EXOC4: variants seen among roughly 807,000 people sequenced by gnomAD.
EXOC4 encodes exocyst complex component 4.
EXOC4 carries 71 observed loss-of-function variants against 107.2 expected under a neutral mutation model. The ratio of observed to expected loss-of-function variants is 0.66; its 90% confidence interval spans 0.55 to 0.81. The LOEUF (loss-of-function observed/expected upper bound fraction) is 0.81. EXOC4 is among the 30% of genes least tolerant of loss of function. EXOC4 has a pLI of 0.00. For missense variants in EXOC4, 1,108 were observed against 1,189.6 expected (o/e 0.93, Z 1.01); for synonymous variants, 456 against 441.2 (o/e 1.03, Z -0.42).
chr7:133,584,013 G>C (rs1449315576), intron 9 of EXOC4, among the ~76,000 whole-genome samples: 1 of 152,166 alleles, frequency 6.6e-6, no homozygotes, highest in African/African-American at 2.4e-5. Context: ...AAAGGACAAG[G>C]AGGAGTGCGA....
chr7:133,904,164 T>C (rs1249707291), intron 12 of EXOC4, among the ~76,000 whole-genome samples: 1 of 152,182 alleles, frequency 6.6e-6, no homozygotes, highest in Non-Finnish European at 1.5e-5. Flanking sequence ...TTGTTTTATG[T>C]GTTTTTTAAG....
At chr7:133,391,784 C>T (rs1796858477) in intron 7 of EXOC4, among the ~76,000 whole-genome samples, 2 of 152,104 alleles carry the variant, frequency 1.3e-5, no homozygotes, top group South Asian at 2.1e-4. Context: ...TAAGCAAGGA[C>T]TTATTTATGG....
chr7:133,579,686 CTTT>C (rs11368284), intron 9 of EXOC4, among the ~76,000 whole-genome samples: 2 of 139,792 alleles, frequency 1.4e-5, no homozygotes, highest in Non-Finnish European at 1.5e-5. Context: ...CACAACTTTA[CTTT>C]TTTTTTTTTT....
chr7:133,391,542 G>C (rs751106096), intron 7 of EXOC4, among the ~76,000 whole-genome samples: 2 of 152,168 alleles, frequency 1.3e-5, no homozygotes, highest in Non-Finnish European at 2.9e-5. Context: ...GTCCCAAGCA[G>C]AGCATCTGCT....
intron 10 of EXOC4, among the ~76,000 whole-genome samples, chr7:133,721,635 A>C (rs1409071346): frequency 6.6e-6 from 1 of 152,186 alleles, no homozygotes; most frequent in Admixed American, 6.5e-5. Context: ...ATGACTTCCT[A>C]ATAAATCAGG....
chr7:133,770,055 A>G (rs1362195332), intron 10 of EXOC4, among the ~76,000 whole-genome samples: 1 of 143,772 alleles, frequency 7.0e-6, no homozygotes, highest in Non-Finnish European at 1.5e-5. Flanking sequence ...CAACATGTGT[A>G]GCCATCTATA....
intron 1 of EXOC4, among the ~76,000 whole-genome samples, chr7:133,262,953 C>T (rs553614373): frequency 1.3e-5 from 2 of 152,240 alleles, no homozygotes; most frequent in Admixed American, 6.5e-5. Context: ...GGGGGCAGGT[C>T]TTTCCTGTGC....
chr7:133,995,626 A>G (rs1794371835), intron 14 of EXOC4, among the ~76,000 whole-genome samples: 3 of 152,202 alleles, frequency 2.0e-5, no homozygotes, highest in Admixed American at 2.0e-4. Context: ...AACATCTAGG[A>G]TGATACCAAG....
intron 14 of EXOC4, among the ~76,000 whole-genome samples, chr7:133,959,641 C>T (rs1280704404): frequency 6.6e-6 from 1 of 151,590 alleles, no homozygotes; most frequent in African/African-American, 2.4e-5. Context: ...ACATCCTCAC[C>T]AAGGCAGTCA....
intron 10 of EXOC4, among the ~76,000 whole-genome samples, chr7:133,654,869 A>C (rs1353067985): frequency 1.3e-5 from 2 of 152,178 alleles, no homozygotes; most frequent in Non-Finnish European, 2.9e-5. Flanking sequence ...CATTATAGGC[A>C]GTTGCAACAC....
intron 7 of EXOC4, among the ~76,000 whole-genome samples, chr7:133,430,635 G>A (rs1014627570): frequency 2.0e-5 from 3 of 152,116 alleles, no homozygotes; most frequent in Non-Finnish European, 4.4e-5. Context: ...CCTAGGAATG[G>A]AATTGTTGGA....
chr7:133,398,467 C>G (rs1584884778), intron 7 of EXOC4, among the ~76,000 whole-genome samples: 1 of 152,260 alleles, frequency 6.6e-6, no homozygotes, highest in South Asian at 2.1e-4. Context: ...AATCCAGGAT[C>G]TTAGTGATTT....
intron 9 of EXOC4, among the ~76,000 whole-genome samples, chr7:133,569,871 A>G (rs1459516045): frequency 2.0e-5 from 3 of 152,204 alleles, no homozygotes; most frequent in South Asian, 2.1e-4. Context: ...TACAGATTCT[A>G]TATTTTACAT....
At chr7:134,097,921 G>A in the EXOC4 span, among the ~76,000 whole-genome samples, 1 of 152,148 alleles carries the variant, frequency 6.6e-6, no homozygotes. Context: ...TCAAAACTTA[G>A]ATGATCAGTG....
intron 3 of EXOC4, among the ~76,000 whole-genome samples, chr7:133,295,706 C>T (rs574700540): frequency 6.6e-6 from 1 of 152,078 alleles, no homozygotes; most frequent in East Asian, 1.9e-4. Flanking sequence ...ATAGACTGAT[C>T]TTATTTTCTC....
chr7:133,488,031 TAGAAAC>T (rs1168015114), intron 9 of EXOC4, among the ~76,000 whole-genome samples: 4 of 152,236 alleles, frequency 2.6e-5, no homozygotes, highest in East Asian at 3.9e-4. Context: ...AAGTAATTAT[TAGAAAC>T]AGATGAAAAT....
chr7:133,337,920 C>G (rs1210850807), intron 5 of EXOC4, among the ~76,000 whole-genome samples: 1 of 151,992 alleles, frequency 6.6e-6, no homozygotes, highest in Admixed American at 6.5e-5. Context: ...CATTGAGCCA[C>G]CATGCTGAGC....
In EXOC4 at chr7:133,629,530, T is replaced by TTTTGTTTTGTTTTG. The variant is rs368663397; in HGVS notation, c.1418-508_1418-507insTGTTTTGTTTGTTT. 2.7e-3 allele frequency among the ~76,000 whole-genome samples: 406 copies of TTTTGTTTTGTTTTG among 149,854 alleles called. 2 individuals are homozygous for TTTTGTTTTGTTTTG. The Middle Eastern group carries it at 0.031, about 11-fold the overall frequency. Reference sequence around the variant, plus strand: ...AGTAAAAGTGCTGTTTTTTGTTTTGTTTTGTTTGTTTGTTTGTTTGTTTGT... The same window carrying TTTTGTTTTGTTTTG: ...AGTAAAAGTGCTGTTTTTTGTTTTGTTTTGTTTTGTTTTGTTTGTTTGTTTGTTTGTTTGTTTGT... On this transcript the variant is annotated intron_variant, in intron 9 of 17. Coordinates refer to ENST00000253861, the MANE Select transcript of EXOC4 (RefSeq NM_021807.4).
chr7:133,676,266 C>T (rs1402694799), intron 10 of EXOC4, among the ~76,000 whole-genome samples: 2 of 151,880 alleles, frequency 1.3e-5, no homozygotes, highest in African/African-American at 2.4e-5. Context: ...CTACTTCACC[C>T]GACAAAGTAC....
Sources: allele counts gnomAD v4.1 joint callset (sites outside exome capture counted in the v4.1 genomes callset), GRCh38; gene constraint gnomAD v4.1.1; transcripts MANE v1.5; gene names NCBI Gene and HGNC (gene_info 2026-07-23, HGNC 2026-07-21).